Variants in LARP1B observed in about 807,000 individuals in gnomAD.
LARP1B encodes la-related protein 1B.
A neutral mutation model predicts 114.2 loss-of-function variants in LARP1B; 76 were observed. The ratio of observed to expected loss-of-function variants is 0.67; its 90% CI spans 0.55 to 0.81. The LOEUF (loss-of-function observed/expected upper bound fraction) is 0.81. LARP1B is among the 30% of genes least tolerant of loss of function. The pLI is 0.00. For missense variants in LARP1B, 1,014 were observed against 1,075.8 expected, an observed-to-expected ratio of 0.94 and a Z score of 0.80; for synonymous variants, 345 against 348.0, an observed-to-expected ratio of 0.99 and a Z score of 0.10.
rs1759035843 is a variant in LARP1B at position 128,211,857 on chromosome 4, A to C, written c.*1804A>C. ...TATAAATGAAAATACAATAATCAGG[A>C]GTTTTGTGGTTTGTATTAATTAGTA... On this transcript the variant is annotated 3_prime_UTR_variant, in exon 20 of 20. Transcript: ENST00000326639. 1.5e-6 allele frequency: 1 copy of C among 648,338 alleles called. No homozygotes were observed. Among genetic ancestry groups the C allele is most frequent in the African/African-American group, 2.0e-5 (1 of 51,054 alleles). 40.2% of individuals were successfully genotyped at this position (648,338 alleles called of 1,614,324 possible).
At chr4:128,219,104 C>T (rs925181007) in intron 6 of LARP1B, among the ~76,000 whole-genome samples, 2 of 151,022 alleles carry the variant, frequency 1.3e-5, no homozygotes, top group Admixed American at 1.3e-4. Context: ...GATATCATCT[C>T]ACAGCAGTTA....
At chr4:128,162,813 G>T (rs1008377409) in intron 12 of LARP1B, among the ~76,000 whole-genome samples, 1 of 152,194 alleles carries the variant, frequency 6.6e-6, no homozygotes, top group Admixed American at 6.5e-5. Flanking sequence ...CAAAGATAGA[G>T]TGAATTTTAT....
chr4:128,062,209 C>G, intron 1 of LARP1B: 1 of 985,456 alleles, frequency 1.0e-6, no homozygotes, highest in Non-Finnish European at 1.2e-6. Context: ...CGCTGGAAAC[C>G]CTGGAGGCAG....
At chr4:128,191,478 C>T (rs1182879733) in intron 15 of LARP1B, among the ~76,000 whole-genome samples, 2 of 152,150 alleles carry the variant, frequency 1.3e-5, no homozygotes, top group East Asian at 3.9e-4. Flanking sequence ...CTTTTGGGCA[C>T]TAGATGGCGC....
chr4:128,142,534 G>A (rs1580940016), intron 11 of LARP1B, among the ~76,000 whole-genome samples: 1 of 149,070 alleles, frequency 6.7e-6, no homozygotes, highest in East Asian at 2.0e-4. Context: ...TTGAGATGGA[G>A]TTTCGCTCTT....
Position 128,200,595 on chromosome 4 carries a change from G to A in LARP1B, c.2239G>A (p.Asp747Asn), listed in dbSNP as rs778457171. The A allele has an allele frequency of 4.4e-6, 7 of 1,595,956 alleles. No individual in the cohort carries two copies. The highest frequency in any genetic ancestry group is 6.0e-6 in the Non-Finnish European group (7 of 1,171,190). Residue 747 changes from aspartate to asparagine, a missense_variant, in exon 17 of 20, where the codon GAT (aspartate) becomes AAT (asparagine). Physicochemically the swap from Asp to Asn is conservative, Grantham distance 23. Coordinates refer to ENST00000326639, the MANE Select transcript of LARP1B (RefSeq NM_018078.4). Reference protein sequence around the residue: ...LFRFWSFFLRDHFNKKMYEEF... With the variant: ...LFRFWSFFLRNHFNKKMYEEF... ...TCGTTTCTGGTCCTTTTTCCTCAGA[G>A]ATCACTTCAATAAAAAAATGTATGA...
chr4:128,082,025 C>T (rs1019873795), intron 4 of LARP1B, 140 bp from the exon 5 acceptor site: 16 of 810,032 alleles, frequency 2.0e-5, no homozygotes, highest in African/African-American at 8.7e-5. Context: ...CATGAGCCAC[C>T]GTGTCTGGCC....
At chr4:128,120,231 T>G (rs1787430042) in intron 10 of LARP1B, among the ~76,000 whole-genome samples, 1 of 152,090 alleles carries the variant, frequency 6.6e-6, no homozygotes, top group South Asian at 2.1e-4. Flanking sequence ...TGAATATGGA[T>G]CTACATTATT....
intron 11 of LARP1B, among the ~76,000 whole-genome samples, chr4:128,126,287 A>C (rs1028745561): frequency 6.6e-6 from 1 of 151,732 alleles, no homozygotes; most frequent in Non-Finnish European, 1.5e-5. Flanking sequence ...ACACCTGGCT[A>C]ATTTTTTATG....
intron 19 of LARP1B, among the ~76,000 whole-genome samples, chr4:128,209,245 C>T (rs1758428887): frequency 6.6e-6 from 1 of 152,098 alleles, no homozygotes; most frequent in African/African-American, 2.4e-5. Context: ...ATGGTGAAAC[C>T]CCGTCTCTAC....
intron 9 of LARP1B, chr4:128,108,356 T>A (rs889813704): frequency 9.1e-6 from 9 of 991,988 alleles, no homozygotes; most frequent in Non-Finnish European, 1.1e-5. Flanking sequence ...CAGTGTAGTG[T>A]ACATTGTAAA....
chr4:128,109,516 A>G (rs891367190), intron 9 of LARP1B, among the ~76,000 whole-genome samples: 6 of 152,170 alleles, frequency 3.9e-5, no homozygotes, highest in African/African-American at 1.4e-4. Context: ...GATTATGGGA[A>G]TGGTAAGATT....
chr4:128,061,987 C>A (rs1005980307), intron 1 of LARP1B: 1 of 985,084 alleles, frequency 1.0e-6, no homozygotes, highest in Admixed American at 6.2e-5. Flanking sequence ...GGCCCGGGGG[C>A]CCTTTCGGCG....
Position 128,091,076 on chromosome 4 carries a change from G to A in LARP1B, c.434G>A (p.Arg145Gln), listed in dbSNP as rs1456411767. Residue 145 changes from arginine to glutamine, a missense_variant, in exon 6 of 20, where the codon CGA (arginine) becomes CAA (glutamine). Physicochemically the swap from Arg to Gln is conservative, Grantham distance 43. Coordinates refer to ENST00000326639, the MANE Select transcript of LARP1B (RefSeq NM_018078.4). The part of the protein sequence containing the change: ...SSVRSEGGNI[R>Q]GSFRGRGRGR... ...GTGAGAAGTGAGGGTGGTAATATCC[G>A]AGGTTCCTTTAGAGGTCGAGGAAGA... 9 of 1,613,842 alleles carry A rather than the reference G, an allele frequency of 5.6e-6. No individual in the cohort carries two copies. The highest frequency in any genetic ancestry group is 1.7e-5 in the Admixed American group (1 of 59,986).
intron 8 of LARP1B, among the ~76,000 whole-genome samples, chr4:128,103,427 A>G (rs1305622067): frequency 6.6e-6 from 1 of 152,180 alleles, no homozygotes; most frequent in African/African-American, 2.4e-5. Context: ...TTTTTCCACC[A>G]ACAATGAATG....
At chr4:128,163,854 A>T (rs1192173486) in intron 12 of LARP1B, among the ~76,000 whole-genome samples, 1 of 152,100 alleles carries the variant, frequency 6.6e-6, no homozygotes, top group Non-Finnish European at 1.5e-5. Flanking sequence ...GCTCAGTAAT[A>T]ATGGAGTTGG....
At chr4:128,073,590 T>G (rs1333160066) in intron 1 of LARP1B, among the ~76,000 whole-genome samples, 50 of 46,448 alleles carry the variant, frequency 1.1e-3, no homozygotes, top group Non-Finnish European at 1.5e-3. Context: ...TTTTTTTTTT[T>G]TTTTTTTTTT....
At chr4:128,063,774 CG>C (rs1377296861) in intron 1 of LARP1B, among the ~76,000 whole-genome samples, 1 of 151,102 alleles carries the variant, frequency 6.6e-6, no homozygotes, top group Non-Finnish European at 1.5e-5. Context: ...AGCGAAACTC[CG>C]TCTCAAAAAA....
At chr4:128,094,071 T>A (rs1317152643) in intron 7 of LARP1B, among the ~76,000 whole-genome samples, 1 of 151,862 alleles carries the variant, frequency 6.6e-6, no homozygotes, top group Non-Finnish European at 1.5e-5. Flanking sequence ...TTTAACTTTT[T>A]AAAAATTTTT....
Sources: allele counts gnomAD v4.1 joint callset (sites outside exome capture counted in the v4.1 genomes callset), GRCh38; gene constraint gnomAD v4.1.1; transcripts MANE v1.5; gene names NCBI Gene and HGNC (gene_info 2026-07-23, HGNC 2026-07-21).